Variants in ZBTB40 observed in about 807,000 individuals in gnomAD.
ZBTB40 encodes zinc finger and BTB domain containing 40.
ZBTB40 carries 60 observed loss-of-function variants against 117.5 expected under a neutral mutation model. The ratio of observed to expected loss-of-function variants is 0.51; its 90% CI spans 0.41 to 0.63. The LOEUF is 0.63. Among genes scored for constraint, ZBTB40 ranks in the 30% least tolerant of loss-of-function variants. ZBTB40 has a pLI of 0.00. For synonymous variants in ZBTB40, 525 were observed against 577.1 expected, an observed-to-expected ratio of 0.91 and a Z score of 1.29; for missense variants, 1,287 against 1,498.5, an observed-to-expected ratio of 0.86 and a Z score of 2.33.
intron 1 of ZBTB40, among the ~76,000 whole-genome samples, chr1:22,439,534 G>A (rs982208880): frequency 3.9e-5 from 6 of 152,104 alleles, no homozygotes; most frequent in Admixed American, 3.3e-4. Flanking sequence ...TTAAATAAGG[G>A]TCCAACTTTA....
At chr1:22,470,043 G>A (rs1641363300) in intron 1 of ZBTB40, among the ~76,000 whole-genome samples, 1 of 152,220 alleles carries the variant, frequency 6.6e-6, no homozygotes, top group African/African-American at 2.4e-5. Context: ...ATGCATGGAA[G>A]CCCTCCCCAC....
chr1:22,430,122 G>A (rs2124356771), intron 1 of ZBTB40, among the ~76,000 whole-genome samples: 1 of 152,246 alleles, frequency 6.6e-6, no homozygotes, highest in Non-Finnish European at 1.5e-5. Context: ...TTAAAACATT[G>A]TAATTTCTTC....
Position 22,513,762 on chromosome 1 carries a change from G to A in ZBTB40, c.2668+632G>A, listed in dbSNP as rs985976317. Among the ~76,000 whole-genome samples the A allele has an allele frequency of 2.0e-5, 3 of 152,130 alleles. No individual in the cohort carries two copies. The highest frequency in any genetic ancestry group is 1.3e-4 in the Admixed American group (2 of 15,280). On this transcript the variant is annotated intron_variant, in intron 12 of 17. Transcript: ENST00000375647. The surrounding 1 kb of genome is among the most constrained non-coding windows in gnomAD (Gnocchi z 4.9). ...ATGCACAACCTCTAGGCAAACAGAC[G>A]ACTGGGAATAGCTCTGTGCACAGAC...
At chr1:22,455,757 A>C (rs946990171) in intron 1 of ZBTB40, among the ~76,000 whole-genome samples, 6 of 152,082 alleles carry the variant, frequency 3.9e-5, no homozygotes, top group Admixed American at 6.5e-5. Flanking sequence ...GCATCATTGC[A>C]GACAGGCAGC....
At chr1:22,486,700 C>T (rs1472683576) in intron 1 of ZBTB40, among the ~76,000 whole-genome samples, 3 of 144,624 alleles carry the variant, frequency 2.1e-5, no homozygotes, top group Admixed American at 7.0e-5. Flanking sequence ...CCTACAGAGG[C>T]GTTTGTTCAT....
intron 1 of ZBTB40, among the ~76,000 whole-genome samples, chr1:22,468,026 C>T (rs1326586775): frequency 6.6e-6 from 1 of 150,774 alleles, no homozygotes; most frequent in Admixed American, 6.6e-5. Context: ...GTGGTCAAGG[C>T]TGCAGTGAGC....
intron 1 of ZBTB40, among the ~76,000 whole-genome samples, chr1:22,454,816 T>C (rs1399285885): frequency 2.6e-5 from 4 of 152,228 alleles, no homozygotes; most frequent in African/African-American, 9.7e-5. Context: ...AGAGAAACTG[T>C]ATTCATAGCT....
chr1:22,448,915 C>G (rs1004598443), upstream of ZBTB40, among the ~76,000 whole-genome samples: 8 of 152,008 alleles, frequency 5.3e-5, no homozygotes, highest in Admixed American at 4.6e-4. Context: ...CAGGTTCAAG[C>G]AATTCTCTTG....
At chr1:22,486,712 C>T (rs1569827560) in intron 1 of ZBTB40, among the ~76,000 whole-genome samples, 1 of 151,868 alleles carries the variant, frequency 6.6e-6, no homozygotes, top group African/African-American at 2.4e-5. Flanking sequence ...TTTGTTCATA[C>T]ATTTTTTTTG....
At chr1:22,456,882 A>G (rs573870458) in intron 1 of ZBTB40, among the ~76,000 whole-genome samples, 1 of 152,324 alleles carries the variant, frequency 6.6e-6, no homozygotes, top group African/African-American at 2.4e-5. Context: ...GATAGAGGAA[A>G]GGAGGAGGTA....
intron 1 of ZBTB40, among the ~76,000 whole-genome samples, chr1:22,435,537 C>T (rs913455207): frequency 1.3e-5 from 2 of 151,954 alleles, no homozygotes; most frequent in Admixed American, 6.6e-5. Context: ...ATCCTGTTAT[C>T]TCTCATTTTT....
intron 1 of ZBTB40, among the ~76,000 whole-genome samples, chr1:22,486,768 C>G (rs1300467408): frequency 6.6e-6 from 1 of 152,150 alleles, no homozygotes; most frequent in Non-Finnish European, 1.5e-5. Context: ...CGGAGTCTCC[C>G]TCTGTTGCCC....
intron 1 of ZBTB40, among the ~76,000 whole-genome samples, chr1:22,489,222 A>G (rs1474143934): frequency 6.6e-6 from 1 of 152,162 alleles, no homozygotes; most frequent in Non-Finnish European, 1.5e-5. Context: ...ATGATATTTC[A>G]AAGCTATGGA....
chr1:22,520,163 C>G lies in ZBTB40; in HGVS notation c.2936C>G (p.Pro979Arg). 6.2e-7 allele frequency: 1 copy of G among 1,614,150 alleles called. No homozygotes were observed. The highest frequency in any genetic ancestry group is 8.5e-7 in the Non-Finnish European group (1 of 1,180,012). Residue 979 changes from proline to arginine, a missense_variant, in exon 14 of 18, where the codon CCC becomes CGC. Physicochemically the swap from Pro to Arg is moderately radical, Grantham distance 103 (BLOSUM62 -2). Transcript: ENST00000375647. ...GAGGTGCACTCCAAAGAGTACCACC[C>G]CTGCCCCACGTGTGGGAAGATCTTC... ...IHEVHSKEYH[P>R]CPTCGKIFSA...
chr1:22,457,013 ATCC>A (rs1641019534), intron 1 of ZBTB40, among the ~76,000 whole-genome samples: 1 of 152,158 alleles, frequency 6.6e-6, no homozygotes, highest in Non-Finnish European at 1.5e-5. Flanking sequence ...CATGCCTGTG[ATCC>A]CAGCACTCTG....
At chr1:22,526,076 AC>A in intron 17 of ZBTB40, 125 bp from the exon 18 acceptor site, 1 of 1,107,144 alleles carries the variant, frequency 9.0e-7, no homozygotes, top group Middle Eastern at 2.2e-4. Context: ...CCCATTAGGC[AC>A]ATGTAAGTGC....
chr1:22,501,780 T>A (rs1002338653), intron 4 of ZBTB40, 96 bp downstream of exon 4: 3 of 1,351,808 alleles, frequency 2.2e-6, no homozygotes, highest in South Asian at 2.5e-5. Flanking sequence ...GTGGCTTAGT[T>A]ATTAAGTGGT....
chr1:22,496,558 C>G (rs1278155966), intron 3 of ZBTB40, among the ~76,000 whole-genome samples: 1 of 152,222 alleles, frequency 6.6e-6, no homozygotes, highest in East Asian at 1.9e-4. Flanking sequence ...TGAGCGCCTT[C>G]TGTGTGCAAT....
At chr1:22,430,697 C>G (rs1165583500) in intron 1 of ZBTB40, among the ~76,000 whole-genome samples, 1 of 150,796 alleles carries the variant, frequency 6.6e-6, no homozygotes, top group Non-Finnish European at 1.5e-5. Context: ...GTCTTGAACT[C>G]TTAGGCTGAA....
Sources: gnomAD v4.1 joint callset for allele counts (sites outside exome capture counted in the v4.1 genomes callset) on GRCh38, gnomAD v4.1.1 for gene constraint, Gnocchi (gnomAD v3.1) non-coding constraint, MANE v1.5 for transcripts, NCBI Gene and HGNC (gene_info 2026-07-23, HGNC 2026-07-21) for gene names.